Variants in ANK3 observed in about 807,000 individuals in gnomAD.
ANK3 encodes the protein ankyrin 3.
In ANK3, 57 loss-of-function variants were observed where a neutral mutation model predicts 370.9. The ratio of observed to expected loss-of-function variants is 0.15; its 90% confidence interval spans 0.12 to 0.19. The LOEUF (loss-of-function observed/expected upper bound fraction) is 0.19. Among genes scored for constraint, ANK3 ranks in the 10% least tolerant of loss-of-function variants. ANK3 has a pLI of 1.00. For missense variants in ANK3, 4,439 were observed against 5,302.1 expected, an observed-to-expected ratio of 0.84 and a Z score of 5.06; for synonymous variants, 1,929 against 1,946.3, an observed-to-expected ratio of 0.99 and a Z score of 0.23.
intron 2 of ANK3, among the ~76,000 whole-genome samples, chr10:60,467,640 T>G (rs2065040459): frequency 1.3e-5 from 2 of 152,152 alleles, no homozygotes; most frequent in Non-Finnish European, 2.9e-5. Flanking sequence ...AATACATTCT[T>G]TTTTTATAAT....
intron 1 of ANK3, among the ~76,000 whole-genome samples, chr10:60,366,676 T>A (rs114219550): frequency 2.8e-4 from 43 of 152,030 alleles, no homozygotes; most frequent in African/African-American, 9.9e-4. Context: ...AGGGAGGAAA[T>A]CACTCAGGAT....
At chr10:60,431,457 C>T (rs2132979007) in intron 2 of ANK3, among the ~76,000 whole-genome samples, 1 of 152,320 alleles carries the variant, frequency 6.6e-6, no homozygotes, top group East Asian at 1.9e-4. Context: ...GACAACTGCT[C>T]ATCTCCTGCT....
chr10:60,377,969 T>G (rs1173208255), intron 1 of ANK3, among the ~76,000 whole-genome samples: 1 of 152,210 alleles, frequency 6.6e-6, no homozygotes, highest in African/African-American at 2.4e-5. Flanking sequence ...CAATCCAAAC[T>G]GAGGTTTGCT....
At chr10:60,234,414 G>T (rs373237931) in intron 8 of ANK3, among the ~76,000 whole-genome samples, 4 of 152,244 alleles carry the variant, frequency 2.6e-5, no homozygotes, top group African/African-American at 9.6e-5. Context: ...CAAACTGACC[G>T]AACAGCTTAG....
At chr10:60,216,414 C>T (rs139492335) in intron 8 of ANK3, among the ~76,000 whole-genome samples, 159 of 152,176 alleles carry the variant, frequency 1.0e-3, no homozygotes, top group African/African-American at 3.7e-3. Context: ...TCATAAATAG[C>T]TCTTATCATT....
intron 1 of ANK3, among the ~76,000 whole-genome samples, chr10:60,293,200 C>A (rs1343199569): frequency 6.6e-6 from 1 of 152,210 alleles, no homozygotes; most frequent in Non-Finnish European, 1.5e-5. Flanking sequence ...AGAGTGGCTG[C>A]TTTAAACATC....
At chr10:60,672,668 A>T (rs992296692) in intron 1 of ANK3, among the ~76,000 whole-genome samples, 3 of 152,190 alleles carry the variant, frequency 2.0e-5, no homozygotes, top group African/African-American at 7.2e-5. Context: ...TGTTTCTCTG[A>T]GTTCTGCTGG....
intron 1 of ANK3, among the ~76,000 whole-genome samples, chr10:60,664,520 G>A (rs1202547237): frequency 6.6e-6 from 1 of 152,148 alleles, no homozygotes; most frequent in African/African-American, 2.4e-5. Flanking sequence ...CTTGTTTCAT[G>A]CAAAGTTAGC....
chr10:60,208,216 C>A lies in ANK3; in HGVS notation c.1014G>T (p.Leu338Phe), dbSNP rs915524720. 2 of 1,613,916 alleles carry A rather than the reference C, an allele frequency of 1.2e-6. No individual in the cohort carries two copies. Among genetic ancestry groups the A allele is most frequent in the African/African-American group, 2.7e-5 (2 of 74,912 alleles). ...LSKTKNGLSP[L>F]HMATQGDHLN... ...AATGATCCCCTTGTGTGGCCATGTG[C>A]AATGGAGATAATCCATTCTGGAACA... Residue 338 changes from leucine to phenylalanine, a missense_variant, in exon 10 of 44, where the codon TTG becomes TTT. Leu to Phe is a conservative substitution (Grantham distance 22, BLOSUM62 0). Coordinates refer to ENST00000280772, the MANE Select transcript of ANK3 (RefSeq NM_020987.5).
At chr10:60,656,824 C>T (rs1000094633) in intron 1 of ANK3, among the ~76,000 whole-genome samples, 8 of 151,888 alleles carry the variant, frequency 5.3e-5, no homozygotes, top group African/African-American at 1.9e-4. Context: ...GTAGTGCGAT[C>T]ATAACTCACT....
At chr10:60,117,064 A>G (rs752472292) in intron 25 of ANK3, among the ~76,000 whole-genome samples, 2 of 152,258 alleles carry the variant, frequency 1.3e-5, no homozygotes, top group Non-Finnish European at 2.9e-5. Context: ...ACATGCTGAC[A>G]GGAAATGACT....
chr10:60,255,460 G>A (rs1379634533), intron 7 of ANK3, among the ~76,000 whole-genome samples: 1 of 152,162 alleles, frequency 6.6e-6, no homozygotes, highest in Non-Finnish European at 1.5e-5. Flanking sequence ...TAGAGACAGA[G>A]GATGACTAGG....
chr10:60,443,656 A>G (rs1277516894), intron 2 of ANK3, among the ~76,000 whole-genome samples: 2 of 152,138 alleles, frequency 1.3e-5, no homozygotes, highest in South Asian at 2.1e-4. Context: ...GATGACTAAA[A>G]ATAAAAGCCT....
intron 21 of ANK3, among the ~76,000 whole-genome samples, chr10:60,170,307 G>A (rs1299265712): frequency 2.0e-5 from 3 of 152,154 alleles, no homozygotes; most frequent in African/African-American, 7.2e-5. Context: ...TGTTTATAGA[G>A]TCAATGGCTG....
intron 1 of ANK3, among the ~76,000 whole-genome samples, chr10:60,664,242 A>T (rs2078970428): frequency 6.6e-6 from 1 of 152,236 alleles, no homozygotes; most frequent in Admixed American, 6.5e-5. Flanking sequence ...TTGTACTAAT[A>T]CTGTCAAGTT....
intron 1 of ANK3, among the ~76,000 whole-genome samples, chr10:60,359,090 C>G (rs1215239911): frequency 3.3e-5 from 5 of 152,130 alleles, no homozygotes; most frequent in Non-Finnish European, 5.9e-5. Flanking sequence ...CTTGCAGGGT[C>G]TCATGCTGTC....
Position 60,400,793 on chromosome 10 carries a change from C to T in ANK3, c.97-121154G>A, listed in dbSNP as rs147527450. ...AAACGTGTGCCATGGTGGTTTGCTG[C>T]ACCTATCAACCCATCACCAAGGTGT... On this transcript the variant is annotated intron_variant, in intron 2 of 43. Coordinates refer to the ANK3 transcript ENST00000373827. Among the ~76,000 whole-genome samples the T allele has an allele frequency of 3.9e-5, 6 of 152,130 alleles. No homozygotes were observed. The East Asian group carries it at 1.2e-3, about 30-fold the overall frequency.
chr10:60,417,288 G>T (rs2063688879), intron 2 of ANK3, among the ~76,000 whole-genome samples: 1 of 152,184 alleles, frequency 6.6e-6, no homozygotes. Flanking sequence ...GATCCAGGTG[G>T]TTTGAGAAAC....
rs2097463476 is a variant in ANK3 at position 60,241,830 on chromosome 10, A to C, written c.799-7044T>G. On this transcript the variant is annotated intron_variant, in intron 7 of 43. Transcript: ENST00000280772. Reference sequence around the variant, plus strand: ...AAAAGGGAATCACATGTATACGCAGATGCATTTTATAAACAACAAAGGGAA... The same window carrying C: ...AAAAGGGAATCACATGTATACGCAGCTGCATTTTATAAACAACAAAGGGAA... Among the ~76,000 whole-genome samples the C allele has an allele frequency of 2.0e-5, 3 of 152,210 alleles. No individual in the cohort carries two copies. The South Asian group carries it at 6.2e-4, about 32-fold the overall frequency.
Sources: gnomAD v4.1 joint callset for allele counts (sites outside exome capture counted in the v4.1 genomes callset) on GRCh38, gnomAD v4.1.1 for gene constraint, MANE v1.5 for transcripts, NCBI Gene and HGNC (gene_info 2026-07-23, HGNC 2026-07-21) for gene names.